FAM53A: variants seen among roughly 807,000 people sequenced by gnomAD.
The protein encoded by FAM53A is family with sequence similarity 53 member A.
In FAM53A, 28 loss-of-function variants were observed where a neutral mutation model predicts 26.6. The ratio of observed to expected loss-of-function variants is 1.05; its 90% confidence interval spans 0.78 to 1.45. FAM53A has a LOEUF of 1.45. Ranked by LOEUF, FAM53A falls within the 40% of genes most tolerant of loss-of-function variation. The pLI is 0.00. For missense variants in FAM53A, 650 were observed against 575.8 expected (o/e 1.13, Z -1.32); for synonymous variants, 290 against 253.1 (o/e 1.15, Z -1.38).
At chr4:1,679,644 C>T (rs1477315852) in intron 1 of FAM53A, among the ~76,000 whole-genome samples, 1 of 147,506 alleles carries the variant, frequency 6.8e-6, no homozygotes, top group Non-Finnish European at 1.5e-5. Context: ...CAAGATAGCA[C>T]CACTGCACTC....
intron 4 of FAM53A, chr4:1,644,424 G>A (rs554799630): frequency 1.7e-5 from 25 of 1,492,764 alleles, no homozygotes; most frequent in Middle Eastern, 2.0e-4. Flanking sequence ...CCACAGACAC[G>A]GCAGCTGTAC....
chr4:1,637,288 C>G (rs1470793208), downstream of FAM53A, among the ~76,000 whole-genome samples: 7 of 152,148 alleles, frequency 4.6e-5, no homozygotes, highest in African/African-American at 1.7e-4. Flanking sequence ...CTGGCTGGCT[C>G]TGAGGCCCTG....
At chr4:1,613,711 C>T (rs1326742481), downstream of FAM53A, among the ~76,000 whole-genome samples, 21 of 152,186 alleles carry the variant, frequency 1.4e-4, no homozygotes. Flanking sequence ...GACAGCTCCA[C>T]ACCAGAAAAT....
rs75507720 is a variant in FAM53A at position 1,640,493 on chromosome 4, C to A, written c.*800G>T. ...TGCAGATTCATGTTTAATAGAACGCCCTTCTGAAATGCATCCAAAATAGAG... is the reference window on the plus strand; with the variant it reads ...TGCAGATTCATGTTTAATAGAACGCACTTCTGAAATGCATCCAAAATAGAG... On this transcript the variant is annotated 3_prime_UTR_variant, in exon 5 of 5. Transcript: ENST00000308132. 4.3e-5 allele frequency: 13 copies of A among 299,646 alleles called. No individual in the cohort carries two copies. The East Asian group carries it at 1.8e-3, about 41-fold the overall frequency. The allele number at this position is 299,646 out of a possible 1,614,324, so 18.6% of individuals were successfully genotyped here.
chr4:1,631,935 G>T (rs1288717870), intron 1 of FAM53A, among the ~76,000 whole-genome samples: 2 of 152,260 alleles, frequency 1.3e-5, no homozygotes, highest in African/African-American at 2.4e-5. Flanking sequence ...GGCCAAGATG[G>T]GTGGATCACT....
downstream of FAM53A, among the ~76,000 whole-genome samples, chr4:1,615,614 C>G (rs1295022954): frequency 6.6e-6 from 1 of 151,010 alleles, no homozygotes; most frequent in Non-Finnish European, 1.5e-5. Context: ...TGTGGCCACG[C>G]CCATCCCACC....
downstream of FAM53A, among the ~76,000 whole-genome samples, chr4:1,614,295 G>A (rs961833583): frequency 4.6e-5 from 7 of 152,066 alleles, no homozygotes; most frequent in Non-Finnish European, 2.9e-5. Context: ...CACGGGGCCT[G>A]CTGAGGAGCA....
Position 1,640,212 on chromosome 4 carries a change from C to T in FAM53A, c.*1081G>A, listed in dbSNP as rs1446791008. On this transcript the variant is annotated 3_prime_UTR_variant, in exon 5 of 5. Transcript: ENST00000308132. ...AGGGACTCATGGCACCTTGGTCTGCCCCAAAGGCCATCACTGCCACCGGTG... is the reference window on the plus strand; with the variant it reads ...AGGGACTCATGGCACCTTGGTCTGCTCCAAAGGCCATCACTGCCACCGGTG... 1 of 176,498 alleles carries T rather than the reference C, an allele frequency of 5.7e-6. No individual in the cohort carries two copies. The highest frequency in any genetic ancestry group is 1.2e-5 in the Non-Finnish European group (1 of 86,018). 10.9% of individuals were successfully genotyped at this position (176,498 alleles called of 1,614,324 possible).
chr4:1,674,170 G>C (rs1714874320), intron 1 of FAM53A, among the ~76,000 whole-genome samples: 1 of 152,194 alleles, frequency 6.6e-6, no homozygotes, highest in Admixed American at 6.5e-5. Flanking sequence ...ACCTGTTCCA[G>C]GACTCTCTCC....
At chr4:1,608,802 T>C in the FAM53A span, among the ~76,000 whole-genome samples, 1 of 152,292 alleles carries the variant, frequency 6.6e-6, no homozygotes, top group East Asian at 1.9e-4. Context: ...GCAATACTTC[T>C]GCTGAGCTGT....
chr4:1,682,458 TCA>T (rs1411024549), intron 1 of FAM53A, among the ~76,000 whole-genome samples: 1 of 152,044 alleles, frequency 6.6e-6, no homozygotes, highest in Non-Finnish European at 1.5e-5. Flanking sequence ...AGACGGGGTT[TCA>T]CCATGTTGGC....
chr4:1,611,799 G>A, the FAM53A span, among the ~76,000 whole-genome samples: 2 of 152,212 alleles, frequency 1.3e-5, no homozygotes. Context: ...CCAGGAGGTG[G>A]CCAGTGGATG....
Position 1,632,514 on chromosome 4 carries a change from G to A in FAM53A, c.432-14403C>T, listed in dbSNP as rs559101367. ...GAAGACCGACCCACAGATGACAAGA[G>A]AACTGTCACATGACCGTCTCAACAG... On this transcript the variant is annotated intron_variant, in intron 1 of 1. Transcript: ENST00000489029. 1.2e-3 allele frequency among the ~76,000 whole-genome samples: 177 copies of A among 152,218 alleles called. 1 individual carries two copies. The highest frequency in any genetic ancestry group is 5.1e-3 in the Admixed American group (78 of 15,288).
intron 4 of FAM53A, among the ~76,000 whole-genome samples, chr4:1,653,090 T>C (rs971415607): frequency 1.6e-5 from 2 of 126,328 alleles, no homozygotes; most frequent in Middle Eastern, 6.4e-3. Context: ...ACACACCACA[T>C]ACACCACACA....
At chr4:1,586,652 G>A in the FAM53A span, among the ~76,000 whole-genome samples, 7 of 151,668 alleles carry the variant, frequency 4.6e-5, no homozygotes, top group South Asian at 6.3e-4. Flanking sequence ...GTGTGGTGGC[G>A]GGCGCCTGTA....
intron 2 of FAM53A, among the ~76,000 whole-genome samples, chr4:1,668,396 T>G (rs550631662): frequency 6.6e-6 from 1 of 152,222 alleles, no homozygotes. Flanking sequence ...CGCCTTGGCC[T>G]CCCAAAGTGC....
rs1337525400 is a variant in FAM53A at position 1,650,241 on chromosome 4, C to T, written c.882+4737G>A. Among the ~76,000 whole-genome samples the T allele has an allele frequency of 2.4e-3, 243 of 100,836 alleles. 3 individuals are homozygous for T. The highest frequency in any genetic ancestry group is 8.9e-3 in the African/African-American group (217 of 24,354). The allele number at this position is 100,836 out of a possible 152,430, so 66.2% of individuals were successfully genotyped here. A position where few individuals can be genotyped will look rare whatever the true frequency, so the allele number is the denominator to read the frequency against. ...TGACTGTGAGGTGGCACAGGCGTGG[C>T]GTTTGACTGTGAGGTGGCAAAGGCG... On this transcript the variant is annotated intron_variant, in intron 4 of 4. Coordinates refer to ENST00000308132, the MANE Select transcript of FAM53A (RefSeq NM_001174070.3).
chr4:1,680,966 A>G (rs1373866538), intron 1 of FAM53A, among the ~76,000 whole-genome samples: 3 of 152,218 alleles, frequency 2.0e-5, no homozygotes, highest in Non-Finnish European at 1.5e-5. Flanking sequence ...CCTGATGTCA[A>G]CTATGGACTT....
chr4:1,634,909 A>T (rs550350999), downstream of FAM53A, among the ~76,000 whole-genome samples: 97 of 152,170 alleles, frequency 6.4e-4, 2 homozygotes, highest in South Asian at 7.3e-3. Context: ...TCAAAAAAAA[A>T]AAAATAAAAA....
Sources: allele counts gnomAD v4.1 joint callset (sites outside exome capture counted in the v4.1 genomes callset), GRCh38; gene constraint gnomAD v4.1.1; transcripts MANE v1.5; gene names NCBI Gene and HGNC (gene_info 2026-07-23, HGNC 2026-07-21).